PLXDC1: variants seen among roughly 807,000 people sequenced by gnomAD.
PLXDC1 encodes plexin domain-containing protein 1.
A neutral mutation model predicts 61.3 loss-of-function variants in PLXDC1; 39 were observed. The ratio of observed to expected loss-of-function variants is 0.64; its 90% CI spans 0.49 to 0.83. The LOEUF (loss-of-function observed/expected upper bound fraction) is 0.83. Ranked by LOEUF, PLXDC1 falls within the 40% of genes least tolerant of loss-of-function variation. PLXDC1 has a pLI of 0.00. For synonymous variants in PLXDC1, 212 were observed against 254.5 expected (o/e 0.83, Z 1.59); for missense variants, 596 against 666.5 (o/e 0.89, Z 1.17).
chr17:39,078,136 C>G, intron 10 of PLXDC1, 88 bp from the exon 11 acceptor site: 1 of 1,281,070 alleles, frequency 7.8e-7, no homozygotes, highest in Non-Finnish European at 1.1e-6. Context: ...GGCAATTTAT[C>G]TGTCAGCTGC....
intron 6 of PLXDC1, 139 bp from the exon 7 acceptor site, chr17:39,106,092 C>T (rs1251372516): frequency 7.0e-6 from 4 of 569,762 alleles, no homozygotes; most frequent in South Asian, 2.4e-5. Context: ...CCCAGTGGGA[C>T]CCCACCCAAA....
At chr17:39,120,258 T>G (rs1328940986) in intron 2 of PLXDC1, among the ~76,000 whole-genome samples, 3 of 152,178 alleles carry the variant, frequency 2.0e-5, no homozygotes, top group African/African-American at 7.2e-5. Flanking sequence ...TTCAAGCGAC[T>G]CTCCTGCCTC....
chr17:39,130,162 A>ATG (rs1911512453), intron 2 of PLXDC1, among the ~76,000 whole-genome samples: 1 of 152,086 alleles, frequency 6.6e-6, no homozygotes, highest in African/African-American at 2.4e-5. Context: ...GGTAATGAAA[A>ATG]TGTTTTGGGG....
chr17:39,098,510 G>T (rs1237835878), intron 7 of PLXDC1, among the ~76,000 whole-genome samples: 1 of 152,208 alleles, frequency 6.6e-6, no homozygotes, highest in African/African-American at 2.4e-5. Context: ...TGGGCTCACT[G>T]CTGGGGGCCA....
chr17:39,152,457 G>T, upstream of PLXDC1: 1 of 1,092,768 alleles, frequency 9.2e-7, no homozygotes, highest in Non-Finnish European at 1.2e-6. Flanking sequence ...TTCCAGGACA[G>T]AATAAAAATA....
At chr17:39,118,307 G>A (rs145480765) in intron 2 of PLXDC1, among the ~76,000 whole-genome samples, 113 of 152,072 alleles carry the variant, frequency 7.4e-4, no homozygotes, top group Admixed American at 1.8e-3. Context: ...GGGATCAAGC[G>A]ATTCTCCTGC....
chr17:39,093,760 A>G (rs553904085), intron 7 of PLXDC1, among the ~76,000 whole-genome samples: 1 of 152,010 alleles, frequency 6.6e-6, no homozygotes, highest in East Asian at 2.0e-4. Flanking sequence ...AATCCAAAAG[A>G]TGGAATGACT....
At chr17:39,125,908 G>T (rs1231617662) in intron 2 of PLXDC1, among the ~76,000 whole-genome samples, 1 of 151,890 alleles carries the variant, frequency 6.6e-6, no homozygotes, top group East Asian at 1.9e-4. Context: ...CCATATCTTG[G>T]ATGACTTCCT....
intron 9 of PLXDC1, among the ~76,000 whole-genome samples, chr17:39,083,236 C>G (rs1347871937): frequency 6.6e-6 from 1 of 152,168 alleles, no homozygotes; most frequent in Non-Finnish European, 1.5e-5. Flanking sequence ...CAGGATGAAC[C>G]CTCTCCTCCT....
chr17:39,118,455 T>C (rs1911062585), intron 2 of PLXDC1, among the ~76,000 whole-genome samples: 1 of 152,100 alleles, frequency 6.6e-6, no homozygotes. Flanking sequence ...CCACCCACCT[T>C]GGTCTCCCAA....
chr17:39,148,562 CTAATATTAA>C (rs777099446), intron 1 of PLXDC1, among the ~76,000 whole-genome samples: 183 of 151,606 alleles, frequency 1.2e-3, no homozygotes, highest in Non-Finnish European at 2.0e-3. Context: ...TACTAATATA[CTAATATTAA>C]TAATATTAAT....
In PLXDC1 at chr17:39,107,145, G is replaced by A. The variant is rs562665237; in HGVS notation, c.711+262C>T. Among the ~76,000 whole-genome samples the A allele has an allele frequency of 1.1e-4, 16 of 152,304 alleles. No homozygotes were observed. In the South Asian group the frequency reaches 2.7e-3, roughly 26 times the overall value. On this transcript the variant is annotated intron_variant, in intron 6 of 13. Transcript: ENST00000315392. ...CCCTGGCCTCTGCCAAGGTTAAGAG[G>A]TCTGTGAAAGGCTCAGCTAGCACCA...
intron 11 of PLXDC1, among the ~76,000 whole-genome samples, chr17:39,076,731 T>G (rs559975667): frequency 7.9e-5 from 12 of 151,990 alleles, no homozygotes; most frequent in Admixed American, 2.6e-4. Flanking sequence ...TTTGTTTTGT[T>G]TTGTGTTGTG....
chr17:39,079,502 G>A (rs540080029), intron 9 of PLXDC1: 6 of 469,340 alleles, frequency 1.3e-5, no homozygotes, highest in South Asian at 3.1e-5. Flanking sequence ...ATTCACATAC[G>A]TGTTTTCATC....
chr17:39,074,621 G>A (rs1247205689), intron 11 of PLXDC1, among the ~76,000 whole-genome samples: 1 of 152,180 alleles, frequency 6.6e-6, no homozygotes, highest in African/African-American at 2.4e-5. Flanking sequence ...TAACAAGTCA[G>A]GATTTAGGCT....
chr17:39,107,778 A>G lies in PLXDC1; in HGVS notation c.593-253T>C, dbSNP rs1598200050. The G allele has an allele frequency of 3.5e-6, 2 of 578,656 alleles. 1 individual carries two copies. Among genetic ancestry groups the G allele is most frequent in the South Asian group, 4.1e-5 (2 of 48,338 alleles). 35.8% of individuals were successfully genotyped at this position (578,656 alleles called of 1,614,324 possible). A position where few individuals can be genotyped will look rare whatever the true frequency, so the allele number is the denominator to read the frequency against. ...ATCTCTTTCCCTTTCCTTCTTGTCT[A>G]TTCTGACTCCTTGAGATAAAAGAAG... On this transcript the variant is annotated intron_variant, in intron 5 of 13. Transcript: ENST00000315392.
rs1036853483 is a variant in PLXDC1 at position 39,102,183 on chromosome 17, G to A, written c.811+3671C>T. Among the ~76,000 whole-genome samples the A allele has an allele frequency of 2.6e-5, 4 of 152,050 alleles. No individual in the cohort carries two copies. In the East Asian group the frequency reaches 7.8e-4, roughly 29 times the overall value. On this transcript the variant is annotated intron_variant, in intron 7 of 13. Coordinates refer to ENST00000315392, the MANE Select transcript of PLXDC1 (RefSeq NM_020405.5). Reference sequence around the variant, plus strand: ...CTAACCAGCCTTTACTGGGCACCCCGCCCAAGCCAGGCACAGTGCCTGGTG... The same window carrying A: ...CTAACCAGCCTTTACTGGGCACCCCACCCAAGCCAGGCACAGTGCCTGGTG...
rs151310966 is a variant in PLXDC1, at chr17:39,133,280, C to T, written c.255+6374G>A. ...CCACCCAGAACAAGGCCTAACAGGA[C>T]GAGGGCAGGGTAGAGTTTGGGTATG... On this transcript the variant is annotated intron_variant, in intron 2 of 13. Coordinates refer to ENST00000315392, the MANE Select transcript of PLXDC1 (RefSeq NM_020405.5). Among the ~76,000 whole-genome samples the T allele has an allele frequency of 2.3e-3, 346 of 152,144 alleles. 9 individuals are homozygous for T. In the East Asian group the frequency reaches 0.036, roughly 16 times the overall value.
At chr17:39,135,211 G>C (rs1911705226) in intron 2 of PLXDC1, among the ~76,000 whole-genome samples, 1 of 152,214 alleles carries the variant, frequency 6.6e-6, no homozygotes, top group South Asian at 2.1e-4. Flanking sequence ...GGCAGAGCCG[G>C]GGACAAGCCC....
Sources: allele counts gnomAD v4.1 joint callset (sites outside exome capture counted in the v4.1 genomes callset), GRCh38; gene constraint gnomAD v4.1.1; transcripts MANE v1.5; gene names NCBI Gene and HGNC (gene_info 2026-07-23, HGNC 2026-07-21).